Variants in ADARB2 observed in about 807,000 individuals in gnomAD.
ADARB2 encodes inactive double-stranded RNA-specific editase B2.
In ADARB2, 25 loss-of-function variants were observed where a neutral mutation model predicts 62.2. The ratio of observed to expected loss-of-function variants is 0.40; its 90% CI spans 0.29 to 0.56. The LOEUF (loss-of-function observed/expected upper bound fraction) is 0.56, where lower values mean the gene tolerates loss of function less well. ADARB2 is among the 20% of genes least tolerant of loss of function. The pLI is 0.43. For missense variants in ADARB2, 1,071 were observed against 1,077.4 expected (o/e 0.99, Z 0.08); for synonymous variants, 572 against 500.8 (o/e 1.14, Z -1.90).
intron 1 of ADARB2, among the ~76,000 whole-genome samples, chr10:1,541,213 C>T (rs71500128): frequency 3.6e-3 from 120 of 33,268 alleles, no homozygotes; most frequent in East Asian, 0.013. Flanking sequence ...CACTCAGACG[C>T]AGTTCAGACC....
chr10:1,348,244 A>T (rs1157933820), intron 3 of ADARB2, among the ~76,000 whole-genome samples: 1 of 152,164 alleles, frequency 6.6e-6, no homozygotes, highest in Non-Finnish European at 1.5e-5. Context: ...CTCTCAGGAA[A>T]CTGTCTGATG....
intron 3 of ADARB2, among the ~76,000 whole-genome samples, chr10:1,342,621 A>G (rs879359595): frequency 2.6e-5 from 4 of 152,208 alleles, no homozygotes; most frequent in Admixed American, 6.5e-5. Flanking sequence ...AGCCTCATCC[A>G]GCCCTGCCTG....
At chr10:1,530,319 A>G (rs1198130483) in intron 1 of ADARB2, among the ~76,000 whole-genome samples, 1 of 152,198 alleles carries the variant, frequency 6.6e-6, no homozygotes, top group Non-Finnish European at 1.5e-5. Flanking sequence ...CCTCTGCCCC[A>G]AGGCCTCCCA....
At chr10:1,465,103 C>G (rs11250543) in intron 1 of ADARB2, among the ~76,000 whole-genome samples, 1 of 152,212 alleles carries the variant, frequency 6.6e-6, no homozygotes, top group South Asian at 2.1e-4. Flanking sequence ...ACTCAAGACA[C>G]GTCCTGCTCG....
intron 4 of ADARB2, among the ~76,000 whole-genome samples, chr10:1,268,223 GA>G (rs1209023617): frequency 2.6e-5 from 4 of 152,130 alleles, no homozygotes; most frequent in African/African-American, 7.2e-5. Context: ...AGAATCACAA[GA>G]AAAAAATTTG....
intron 6 of ADARB2, among the ~76,000 whole-genome samples, chr10:1,229,505 C>T (rs1340152966): frequency 6.6e-6 from 1 of 152,182 alleles, no homozygotes; most frequent in Non-Finnish European, 1.5e-5. Flanking sequence ...TTATTTAAAC[C>T]TATCTACAGA....
chr10:1,202,280 C>G (rs905458271), intron 7 of ADARB2, among the ~76,000 whole-genome samples: 18 of 152,182 alleles, frequency 1.2e-4, no homozygotes, highest in Admixed American at 2.0e-4. Flanking sequence ...CAGGGTCTCA[C>G]TCTGTCACCC....
chr10:1,246,783 C>T (rs187055785), intron 4 of ADARB2, among the ~76,000 whole-genome samples: 1 of 149,776 alleles, frequency 6.7e-6, no homozygotes, highest in Non-Finnish European at 1.5e-5. Context: ...ATGCCTCCAG[C>T]CTTGTTCTTT....
chr10:1,306,691 G>C (rs1406574103), intron 3 of ADARB2, among the ~76,000 whole-genome samples: 7 of 105,516 alleles, frequency 6.6e-5, no homozygotes, highest in African/African-American at 2.0e-4. Flanking sequence ...AAAACAGCAT[G>C]GTACTGGTAC....
chr10:1,305,831 G>C (rs943776091), intron 3 of ADARB2, among the ~76,000 whole-genome samples: 74 of 152,108 alleles, frequency 4.9e-4, no homozygotes, highest in African/African-American at 1.8e-3. Context: ...ATGCAGAAAA[G>C]GCCTTTGACA....
At chr10:1,567,990 C>T (rs1271799964) in intron 1 of ADARB2, among the ~76,000 whole-genome samples, 2 of 152,232 alleles carry the variant, frequency 1.3e-5, no homozygotes, top group Admixed American at 1.3e-4. Flanking sequence ...CAGCTCGATC[C>T]TTGGGAACCT....
At chr10:1,624,770 CTAATTT>C (rs550196913) in intron 1 of ADARB2, among the ~76,000 whole-genome samples, 2 of 152,156 alleles carry the variant, frequency 1.3e-5, no homozygotes, top group East Asian at 3.9e-4. Context: ...AAAATGACTT[CTAATTT>C]TATCTTCAGA....
chr10:1,412,058 G>T (rs1379521415), intron 1 of ADARB2, among the ~76,000 whole-genome samples: 1 of 152,204 alleles, frequency 6.6e-6, no homozygotes, highest in Non-Finnish European at 1.5e-5. Flanking sequence ...TTTGAGGAGA[G>T]TGCTTGTCTT....
In ADARB2 at chr10:1,286,943, A is replaced by AT. The variant is rs375859390; in HGVS notation, c.1078-15875dup. 5.2e-3 allele frequency among the ~76,000 whole-genome samples: 799 copies of AT among 152,282 alleles called. 7 individuals are homozygous for AT. Among genetic ancestry groups the AT allele is most frequent in the African/African-American group, 0.018 (744 of 41,548 alleles). On this transcript the variant is annotated intron_variant, in intron 3 of 9. Transcript: ENST00000381312. The stretch of plus-strand genomic sequence containing the variant: ...TCATCCAACTGTGTGCAAACATAAC[A>AT]TTTTTTTAGAAAAAATACAGAAATA...
At chr10:1,501,670 G>A (rs1021083694) in intron 1 of ADARB2, among the ~76,000 whole-genome samples, 4 of 152,300 alleles carry the variant, frequency 2.6e-5, no homozygotes, top group South Asian at 2.1e-4. Context: ...TATATTGCTC[G>A]CCAGTAGCCT....
intron 1 of ADARB2, among the ~76,000 whole-genome samples, chr10:1,505,031 C>A (rs1831821256): frequency 2.0e-5 from 3 of 151,570 alleles, no homozygotes; most frequent in African/African-American, 7.3e-5. Context: ...ACAGACACAG[C>A]CACACATGCA....
intron 7 of ADARB2, among the ~76,000 whole-genome samples, chr10:1,202,474 C>T (rs1279627620): frequency 6.6e-6 from 1 of 152,194 alleles, no homozygotes; most frequent in Non-Finnish European, 1.5e-5. Flanking sequence ...TCACCGTGTC[C>T]GGCCAAGGCT....
intron 4 of ADARB2, among the ~76,000 whole-genome samples, chr10:1,257,965 C>T (rs953442509): frequency 1.3e-5 from 2 of 152,176 alleles, no homozygotes; most frequent in Non-Finnish European, 2.9e-5. Context: ...CACATTTGTT[C>T]ACTAATTAGC....
At chr10:1,677,278 G>A (rs1328847408) in intron 1 of ADARB2, among the ~76,000 whole-genome samples, 3 of 152,194 alleles carry the variant, frequency 2.0e-5, no homozygotes, top group Non-Finnish European at 2.9e-5. Flanking sequence ...TGAAGCTGCC[G>A]ACTCGGACCA....
Sources: allele counts gnomAD v4.1 joint callset (sites outside exome capture counted in the v4.1 genomes callset), GRCh38; gene constraint gnomAD v4.1.1; transcripts MANE v1.5; gene names NCBI Gene and HGNC (gene_info 2026-07-23, HGNC 2026-07-21).